Variants in RAB38 observed in about 807,000 individuals in gnomAD.
The protein encoded by RAB38 is RAB38, member RAS oncogene family, also known as ras-related protein Rab-38.
Under a neutral mutation model 18.4 loss-of-function variants are expected in RAB38, and 15 were observed. That is an observed-to-expected ratio of 0.82 (90% CI 0.55 to 1.26). RAB38 has a LOEUF of 1.26. RAB38 is among the 50% of genes most tolerant of loss of function. RAB38 has a pLI of 0.00. For synonymous variants in RAB38, 101 were observed against 104.4 expected, an observed-to-expected ratio of 0.97 and a Z score of 0.20; for missense variants, 294 against 267.4, an observed-to-expected ratio of 1.10 and a Z score of -0.69.
At chr11:88,106,026 C>T in the RAB38 span, among the ~76,000 whole-genome samples, 4 of 152,032 alleles carry the variant, frequency 2.6e-5, no homozygotes, top group African/African-American at 9.7e-5. Context: ...TGCAGAATGT[C>T]ATGCAGTGGA....
the RAB38 span, among the ~76,000 whole-genome samples, chr11:87,909,569 G>C: frequency 0.94 from 142,661 of 152,090 alleles, 67,239 homozygotes; most frequent in East Asian, 1. Context: ...CATAAAATCA[G>C]AATCAAAATC....
the RAB38 span, among the ~76,000 whole-genome samples, chr11:88,043,181 T>TTTAAC: frequency 6.6e-6 from 1 of 152,196 alleles, no homozygotes; most frequent in Non-Finnish European, 1.5e-5. Context: ...CCAAGACTGT[T>TTTAAC]TTAACTCTTC....
intron 2 of RAB38, among the ~76,000 whole-genome samples, chr11:88,118,812 A>G (rs891353041): frequency 6.6e-6 from 1 of 152,240 alleles, no homozygotes; most frequent in South Asian, 2.1e-4. Context: ...TAAAATTCCT[A>G]ACAAAGAATT....
chr11:88,003,960 C>A, the RAB38 span, among the ~76,000 whole-genome samples: 1 of 109,354 alleles, frequency 9.1e-6, no homozygotes, highest in East Asian at 2.5e-4. Flanking sequence ...TATATATATA[C>A]CTATATATAA....
the RAB38 span, among the ~76,000 whole-genome samples, chr11:88,006,434 T>A: frequency 6.6e-6 from 1 of 151,458 alleles, no homozygotes; most frequent in Admixed American, 6.6e-5. Context: ...GGGTATATAT[T>A]CAAAGAAAAT....
At chr11:88,120,690 C>A (rs1942617867) in intron 2 of RAB38, among the ~76,000 whole-genome samples, 1 of 152,180 alleles carries the variant, frequency 6.6e-6, no homozygotes, top group Non-Finnish European at 1.5e-5. Context: ...CTCATCCCCA[C>A]CATGGCCTTA....
At chr11:87,976,011 C>T in the RAB38 span, among the ~76,000 whole-genome samples, 1 of 150,950 alleles carries the variant, frequency 6.6e-6, no homozygotes, top group Non-Finnish European at 1.5e-5. Context: ...CTAAAGTCAA[C>T]ACAAAACATA....
chr11:88,135,195 C>T (rs1225694310), intron 2 of RAB38, among the ~76,000 whole-genome samples: 1 of 152,154 alleles, frequency 6.6e-6, no homozygotes, highest in Non-Finnish European at 1.5e-5. Context: ...CCCTATATCC[C>T]ACATGTTACA....
the RAB38 span, among the ~76,000 whole-genome samples, chr11:87,973,937 C>G: frequency 6.6e-6 from 1 of 151,878 alleles, no homozygotes; most frequent in Non-Finnish European, 1.5e-5. Context: ...TAAAATAGAT[C>G]ATCCAAACAA....
chr11:88,059,087 A>G, the RAB38 span, among the ~76,000 whole-genome samples: 1 of 152,204 alleles, frequency 6.6e-6, no homozygotes, highest in South Asian at 2.1e-4. Context: ...CCTTGGGAAA[A>G]TCACTTAACC....
chr11:87,960,155 GA>G, the RAB38 span, among the ~76,000 whole-genome samples: 2 of 152,060 alleles, frequency 1.3e-5, no homozygotes, highest in Non-Finnish European at 1.5e-5. Flanking sequence ...AATTGACTTA[GA>G]AAAGTGCTTC....
At chr11:88,004,216 G>T in the RAB38 span, among the ~76,000 whole-genome samples, 2 of 149,988 alleles carry the variant, frequency 1.3e-5, no homozygotes, top group African/African-American at 2.4e-5. Flanking sequence ...TACATTCTTC[G>T]TGAATACAGA....
chr11:87,958,750 T>G, the RAB38 span, among the ~76,000 whole-genome samples: 1 of 152,160 alleles, frequency 6.6e-6, no homozygotes, highest in Non-Finnish European at 1.5e-5. Context: ...TAAGCACTAT[T>G]CTTGAACAGG....
intron 2 of RAB38, among the ~76,000 whole-genome samples, chr11:88,127,142 CAG>C (rs1299477442): frequency 7.2e-5 from 11 of 152,320 alleles, no homozygotes; most frequent in Admixed American, 2.6e-4. Flanking sequence ...TAGGATTTCT[CAG>C]AGTCTTTTAG....
intron 1 of RAB38, among the ~76,000 whole-genome samples, chr11:88,153,930 G>T (rs1173554874): frequency 6.6e-6 from 1 of 152,152 alleles, no homozygotes; most frequent in East Asian, 1.9e-4. Flanking sequence ...GAAGGAAAAT[G>T]GGAATCCACC....
the RAB38 span, among the ~76,000 whole-genome samples, chr11:88,031,489 C>G: frequency 4.6e-5 from 7 of 151,984 alleles, no homozygotes; most frequent in African/African-American, 1.2e-4. Context: ...CCCATTGTCT[C>G]AGCCCAAAAT....
the RAB38 span, among the ~76,000 whole-genome samples, chr11:87,852,002 T>G: frequency 6.6e-6 from 1 of 152,182 alleles, no homozygotes; most frequent in Non-Finnish European, 1.5e-5. Context: ...TTTTTTATGC[T>G]AAGTTTGATG....
At chr11:88,023,064 C>A in the RAB38 span, among the ~76,000 whole-genome samples, 3 of 152,004 alleles carry the variant, frequency 2.0e-5, no homozygotes, top group Non-Finnish European at 4.4e-5. Flanking sequence ...GGCTTAATAA[C>A]TGAGTGTGAC....
the RAB38 span, among the ~76,000 whole-genome samples, chr11:87,951,478 T>G: frequency 6.6e-6 from 1 of 151,514 alleles, no homozygotes; most frequent in African/African-American, 2.4e-5. Flanking sequence ...CTCTGCTTTT[T>G]AGAGTTTCTG....
Sources: allele counts gnomAD v4.1 joint callset (sites outside exome capture counted in the v4.1 genomes callset), GRCh38; gene constraint gnomAD v4.1.1; transcripts MANE v1.5; gene names NCBI Gene and HGNC (gene_info 2026-07-23, HGNC 2026-07-21).